The following CENPB variants were observed in gnomAD, a reference collection of about 807,000 sequenced individuals.
CENPB encodes the protein centromere protein B.
CENPB carries 19 observed loss-of-function variants against 41.9 expected under a neutral mutation model. The ratio of observed to expected loss-of-function variants is 0.45; its 90% CI spans 0.32 to 0.67. CENPB has a LOEUF of 0.67. CENPB is among the 30% of genes least tolerant of loss of function. CENPB has a pLI of 0.04. For missense variants in CENPB, 614 were observed against 816.2 expected (o/e 0.75, Z 3.02); for synonymous variants, 399 against 354.4 (o/e 1.13, Z -1.41).
rs776448311 is a variant in CENPB, at chr20:3,786,041, G to C, written c.443C>G (p.Pro148Arg). The C allele has an allele frequency of 1.4e-6, 2 of 1,470,800 alleles. No homozygotes were observed. Among genetic ancestry groups the C allele is most frequent in the South Asian group, 2.7e-5 (2 of 73,196 alleles). 91.1% of individuals were successfully genotyped at this position (1,470,800 alleles called of 1,614,324 possible). A position where few individuals can be genotyped will look rare whatever the true frequency, so the allele number is the denominator to read the frequency against. Residue 148 changes from proline (P) to arginine (R), a missense_variant, in exon 1 of 1, where the codon CCC becomes CGC. By Grantham distance (103) the Pro-to-Arg change is moderately radical. Transcript: ENST00000379751. Reference sequence around the variant, plus strand: ...ACTGGCAGGCGCCGCCGGGGTGCGGGGGGCAGCGTTTCGCGCGCGGGCGCG... The same window carrying C: ...ACTGGCAGGCGCCGCCGGGGTGCGGCGGGCAGCGTTTCGCGCGCGGGCGCG... ...VARARARNAA[P>R]RTPAAPASPA...
rs2088829030 is a variant in CENPB at position 3,786,668 on chromosome 20, G to C, written c.-185C>G. On this transcript the variant is annotated 5_prime_UTR_variant, in exon 1 of 1. Transcript: ENST00000379751. ...CGGGGGCACCTCCGGGGACGCCGGC[G>C]GGCGCGTCGCCGGGCGGCGGGCGGC... 6.8e-6 allele frequency: 1 copy of C among 146,402 alleles called. No homozygotes were observed. The highest frequency in any genetic ancestry group is 2.5e-5 in the African/African-American group (1 of 40,680). 9.1% of individuals were successfully genotyped at this position (146,402 alleles called of 1,614,324 possible). A position where few individuals can be genotyped will look rare whatever the true frequency, so the allele number is the denominator to read the frequency against.
In CENPB at chr20:3,785,677, G is replaced by C. The variant is rs757188137; in HGVS notation, c.807C>G (p.Val269=). ...CDYTANSKGG[V]TTQALAKYLK... ...AGTACTTGGCCAGGGCCTGGGTGGTGACACCACCCTTGGAGTTGGCGGTGT... is the reference window on the plus strand; with the variant it reads ...AGTACTTGGCCAGGGCCTGGGTGGTCACACCACCCTTGGAGTTGGCGGTGT... The change falls in exon 1 of 1, where the codon GTC becomes GTG. Residue 269 remains valine (V), a synonymous_variant. Coordinates refer to ENST00000379751, the MANE Select transcript of CENPB (RefSeq NM_001810.6). 1.2e-6 allele frequency: 2 copies of C among 1,609,338 alleles called. No individual in the cohort carries two copies. Among genetic ancestry groups the C allele is most frequent in the African/African-American group, 1.3e-5 (1 of 74,866 alleles).
At position 3,784,962 on chromosome 20, in the gene CENPB, C is replaced by G; in HGVS notation, c.1522G>C (p.Glu508Gln). Residue 508 changes from glutamate to glutamine, a missense_variant, in exon 1 of 1, where the codon GAG becomes CAG. Transcript: ENST00000379751. This position sits in a 1 kb window ranked among gnomAD's most constrained non-coding sequence, Gnocchi z 5.2. ...TCCTCACTGTCTGAATCAGAGTCCT[C>G]CCCACCTTCCAGGAAATGCAGAGTA... ...CPTLHFLEGG[E>Q]DSDSDSEEED... The G allele has an allele frequency of 6.2e-7, 1 of 1,614,068 alleles. No individual in the cohort carries two copies. The highest frequency in any genetic ancestry group is 8.5e-7 in the Non-Finnish European group (1 of 1,179,998).
At position 3,785,383 on chromosome 20, in the gene CENPB, A is replaced by G. The variant is rs778583311; in HGVS notation, c.1101T>C (p.Phe367=). The change falls in exon 1 of 1, where the codon TTT becomes TTC. Residue 367 remains phenylalanine (F), a synonymous_variant. Transcript: ENST00000379751. ...LQLGLTEALH[F]VAAAWQAVEP... ...CCACTGCCTGCCAGGCGGCAGCCAC[A>G]AAGTGCAGGGCCTCCGTGAGACCCA... 5 of 1,603,456 alleles carry G rather than the reference A, an allele frequency of 3.1e-6. No homozygotes were observed. Among genetic ancestry groups the G allele is most frequent in the East Asian group, 2.3e-5 (1 of 44,406 alleles).
At position 3,785,572 on chromosome 20, in the gene CENPB, C is replaced by T. The variant is rs2088815202; in HGVS notation, c.912G>A (p.Leu304=). The T allele has an allele frequency of 6.2e-7, 1 of 1,601,166 alleles. No individual in the cohort carries two copies. The highest frequency in any genetic ancestry group is 1.3e-5 in the African/African-American group (1 of 74,818). The change falls in exon 1 of 1, where the codon TTG becomes TTA. Residue 304 remains leucine, a synonymous_variant. Coordinates refer to ENST00000379751, the MANE Select transcript of CENPB (RefSeq NM_001810.6). The part of the protein sequence containing the change: ...LLAGRLAAQS[L]DTSGLRHVQL... The stretch of plus-strand genomic sequence containing the variant: ...GCACATGCCGCAGGCCCGAGGTGTC[C>T]AAGGACTGGGCAGCCAAGCGGCCGG...
Position 3,784,359 on chromosome 20 carries a change from T to C in CENPB, c.*325A>G, listed in dbSNP as rs1199774096. 1.3e-5 allele frequency: 4 copies of C among 317,914 alleles called. No individual in the cohort carries two copies. The highest frequency in any genetic ancestry group is 2.4e-5 in the Non-Finnish European group (4 of 168,742). The allele number at this position is 317,914 out of a possible 1,614,324, so 19.7% of individuals were successfully genotyped here. On this transcript the variant is annotated 3_prime_UTR_variant, in exon 1 of 1. Transcript: ENST00000379751. This position sits in a 1 kb window ranked among gnomAD's most constrained non-coding sequence, Gnocchi z 5.2. ...TCCGGCCGGGAACCTCCAGGGCCCATCCCTGGCTGCTGCTGTGGTTAGTCC... is the reference window on the plus strand; with the variant it reads ...TCCGGCCGGGAACCTCCAGGGCCCACCCCTGGCTGCTGCTGTGGTTAGTCC...
In CENPB at chr20:3,785,005, C is replaced by A. The variant is rs1255957529; in HGVS notation, c.1479G>T (p.Gln493His). ...GCAGAGTAGGGCACTGGGCTTCCTC[C>A]TGGGCACCATAAGCCCCGAAGCTGC... ...AGGSFGAYGA[Q>H]EEAQCPTLHF... is the part of the protein sequence containing the mutation. The change falls in exon 1 of 1, where the codon CAG becomes CAT. Residue 493 changes from glutamine to histidine, a missense_variant. Physicochemically the swap from Gln to His is conservative, Grantham distance 24 (BLOSUM62 0). This residue lies in a region of CENPB where 537 missense variants were observed against 629.4 expected (regional missense o/e 0.85). Coordinates refer to ENST00000379751, the MANE Select transcript of CENPB (RefSeq NM_001810.6). 1.9e-6 allele frequency: 3 copies of A among 1,613,998 alleles called. No homozygotes were observed. Among genetic ancestry groups the A allele is most frequent in the Non-Finnish European group, 2.5e-6 (3 of 1,180,022 alleles).
chr20:3,786,358 C>G lies in CENPB; in HGVS notation c.126G>C (p.Leu42=), dbSNP rs1275084830. ...CGCGCTTGTTCTTCAGGATCGTGCT[C>G]AGCGTGGACGGCGGGATGTTGAAGC... is the stretch of plus-strand genomic sequence containing the variant. ...ARRFNIPPST[L]STILKNKRAI... Residue 42 remains leucine (L), a synonymous_variant, in exon 1 of 1, where the codon CTG becomes CTC. Coordinates refer to ENST00000379751, the MANE Select transcript of CENPB (RefSeq NM_001810.6). 3 of 1,605,818 alleles carry G rather than the reference C, an allele frequency of 1.9e-6. No homozygotes were observed. The highest frequency in any genetic ancestry group is 2.5e-6 in the Non-Finnish European group (3 of 1,179,640).
Position 3,784,547 on chromosome 20 carries a change from T to TAA in CENPB, c.*136_*137insTT. On this transcript the variant is annotated 3_prime_UTR_variant, in exon 1 of 1. Coordinates refer to ENST00000379751, the MANE Select transcript of CENPB (RefSeq NM_001810.6). This position sits in a 1 kb window ranked among gnomAD's most constrained non-coding sequence, Gnocchi z 5.2. ...GGCCCGGCCGAGGTGACCGGGCCTG[T>TAA]TGCAGGACCAGGGGAAGCATTACTA... The TAA allele has an allele frequency of 9.6e-7, 1 of 1,045,880 alleles. No individual in the cohort carries two copies. Among genetic ancestry groups the TAA allele is most frequent in the African/African-American group, 1.6e-5 (1 of 62,740 alleles). The allele number at this position is 1,045,880 out of a possible 1,614,324, so 64.8% of individuals were successfully genotyped here.
Position 3,785,209 on chromosome 20 carries a change from CTCT to C in CENPB, c.1272_1274del (p.Glu428del), listed in dbSNP as rs761109209. ...CCTCCTCCTCCTCCCCTTCCTCCTCCTCTTCCTCTCCTTCACCCTCTTCCTCCT... is the reference window on the plus strand; with the variant it reads ...CCTCCTCCTCCTCCCCTTCCTCCTCCTCCTCTCCTTCACCCTCTTCCTCCT... On this transcript the variant is annotated inframe_deletion, in exon 1 of 1. Coordinates refer to ENST00000379751, the MANE Select transcript of CENPB (RefSeq NM_001810.6). The C allele has an allele frequency of 3.7e-5, 52 of 1,416,946 alleles. No individual in the cohort carries two copies. The highest frequency in any genetic ancestry group is 6.3e-5 in the Admixed American group (3 of 47,442). 87.8% of individuals were successfully genotyped at this position (1,416,946 alleles called of 1,614,324 possible).
rs753063274 is a variant in CENPB at position 3,786,382 on chromosome 20, G to A, written c.102C>T (p.Arg34=). 1.2e-6 allele frequency: 2 copies of A among 1,603,684 alleles called. No individual in the cohort carries two copies. Among genetic ancestry groups the A allele is most frequent in the Non-Finnish European group, 1.7e-6 (2 of 1,179,526 alleles). ...TCAGCGTGGACGGCGGGATGTTGAA[G>A]CGCCGCGCGATCTCGCCCTTGCGCA... ...PDLRKGEIAR[R]FNIPPSTLST... is the part of the protein sequence containing the mutation. Residue 34 remains arginine, a synonymous_variant, in exon 1 of 1, where the codon CGC becomes CGT. Transcript: ENST00000379751.
Position 3,785,490 on chromosome 20 carries a change from G to T in CENPB, c.994C>A (p.Gln332Lys), listed in dbSNP as rs776871979. The change falls in exon 1 of 1, where the codon CAG becomes AAG. Residue 332 changes from glutamine (Q) to lysine (K), a missense_variant. Around this residue, in one of 2 missense-constraint regions of CENPB, gnomAD observed 537 missense variants for 629.4 expected, o/e 0.85. Transcript: ENST00000379751. ...GCCTGGCGGTAGTGGCCCTTCACCT[G>T]CTGGACCACTCCCCTCTCCAGCGGA... is the stretch of plus-strand genomic sequence containing the variant. ...VHPLERGVVQ[Q>K]VKGHYRQAML... 6.3e-5 allele frequency: 100 copies of T among 1,592,770 alleles called. No individual in the cohort carries two copies. The highest frequency in any genetic ancestry group is 8.3e-5 in the Non-Finnish European group (97 of 1,170,070).
rs773666307 is a variant in CENPB at position 3,784,671 on chromosome 20, T to C, written c.*13A>G. 5.6e-6 allele frequency: 9 copies of C among 1,613,156 alleles called. No homozygotes were observed. Among genetic ancestry groups the C allele is most frequent in the Admixed American group, 5.0e-5 (3 of 59,902 alleles). ...TGCCAATCTAGGTTGGGGGCACAGC[T>C]AGGTCCAGTGACTCAGCTTTGATGT... On this transcript the variant is annotated 3_prime_UTR_variant, in exon 1 of 1. Coordinates refer to ENST00000379751, the MANE Select transcript of CENPB (RefSeq NM_001810.6). This position sits in a 1 kb window ranked among gnomAD's most constrained non-coding sequence, Gnocchi z 5.2.
Position 3,785,242 on chromosome 20 carries a change from TTCTTCCTCCTCCTCCTCC to T in CENPB, c.1224_1241del (p.Glu414_Glu419del), listed in dbSNP as rs752768027. 7.6e-6 allele frequency: 10 copies of T among 1,316,186 alleles called. No individual in the cohort carries two copies. The highest frequency in any genetic ancestry group is 9.0e-6 in the Non-Finnish European group (9 of 997,808). 81.5% of individuals were successfully genotyped at this position (1,316,186 alleles called of 1,614,324 possible). On this transcript the variant is annotated inframe_deletion, in exon 1 of 1. Transcript: ENST00000379751. ...CTCCTTCACCCTCTTCCTCCTCCTCTTCTTCCTCCTCCTCCTCCTCTTCCTCTCCCTCACTCTTGAGGG... is the reference window on the plus strand; with the variant it reads ...CTCCTTCACCCTCTTCCTCCTCCTCTTCTTCCTCTCCCTCACTCTTGAGGG...
rs911896549 is a variant in CENPB, at chr20:3,783,851, T to C, written c.*833A>G. 1 of 152,262 alleles carries C rather than the reference T, an allele frequency of 6.6e-6. No homozygotes were observed. The highest frequency in any genetic ancestry group is 2.4e-5 in the African/African-American group (1 of 41,430). The allele number at this position is 152,262 out of a possible 1,614,324, so 9.4% of individuals were successfully genotyped here. ...AGCCCAGACCATGAAGGATGCACCCTTGGCTGTTAAAACGTTCACCCCCAC... is the reference window on the plus strand; with the variant it reads ...AGCCCAGACCATGAAGGATGCACCCCTGGCTGTTAAAACGTTCACCCCCAC... On this transcript the variant is annotated 3_prime_UTR_variant, in exon 1 of 1. Transcript: ENST00000379751. The surrounding 1 kb of genome is among the most constrained non-coding windows in gnomAD (Gnocchi z 4.2).
rs2088797136 is a variant in CENPB at position 3,784,002 on chromosome 20, T to C, written c.*682A>G. On this transcript the variant is annotated 3_prime_UTR_variant, in exon 1 of 1. Transcript: ENST00000379751. This position sits in a 1 kb window ranked among gnomAD's most constrained non-coding sequence, Gnocchi z 5.2. Reference sequence around the variant, plus strand: ...CCCTGCCAGAGAGGGAGGAGAGGCATGGGGCCTGCAGCTGCCCACAAGGAA... The same window carrying C: ...CCCTGCCAGAGAGGGAGGAGAGGCACGGGGCCTGCAGCTGCCCACAAGGAA... The C allele has an allele frequency of 6.6e-6, 1 of 152,622 alleles. No homozygotes were observed. Among genetic ancestry groups the C allele is most frequent in the Admixed American group, 6.5e-5 (1 of 15,296 alleles). The allele number at this position is 152,622 out of a possible 1,614,324, so 9.5% of individuals were successfully genotyped here.
Position 3,785,416 on chromosome 20 carries a change from G to A in CENPB, c.1068C>T (p.Gly356=), listed in dbSNP as rs780307584. The part of the protein sequence containing the change: ...MAALEGQDPS[G]LQLGLTEALH... ...GGGCCTCCGTGAGACCCAGCTGCAG[G>A]CCTGAGGGATCCTGGCCCTCTAGCG... Residue 356 remains glycine (G), a synonymous_variant, in exon 1 of 1, where the codon GGC becomes GGT. Transcript: ENST00000379751. 2.5e-6 allele frequency: 4 copies of A among 1,596,776 alleles called. No homozygotes were observed. Among genetic ancestry groups the A allele is most frequent in the Admixed American group, 3.5e-5 (2 of 57,782 alleles).
In CENPB at chr20:3,786,334, G is replaced by A; in HGVS notation, c.150C>T (p.Arg50=). Residue 50 remains arginine (R), a synonymous_variant, in exon 1 of 1, where the codon CGC becomes CGT. Coordinates refer to ENST00000379751, the MANE Select transcript of CENPB (RefSeq NM_001810.6). The stretch of plus-strand genomic sequence containing the variant: ...ACTTGCGCTCCGACGCCAGGATGGC[G>A]CGCTTGTTCTTCAGGATCGTGCTCA... ...STLSTILKNK[R]AILASERKYG... is the part of the protein sequence containing the mutation. 1 of 1,607,356 alleles carries A rather than the reference G, an allele frequency of 6.2e-7. No homozygotes were observed. Among genetic ancestry groups the A allele is most frequent in the South Asian group, 1.1e-5 (1 of 91,074 alleles).
rs751268082 is a variant in CENPB, at chr20:3,785,537, A to G, written c.947T>C (p.Phe316Ser). The G allele has an allele frequency of 5.0e-6, 8 of 1,598,732 alleles. No homozygotes were observed. The East Asian group carries it at 1.8e-4, about 36-fold the overall frequency. Residue 316 changes from phenylalanine (F) to serine (S), a missense_variant, in exon 1 of 1, where the codon TTC becomes TCC. By Grantham distance (155) the Phe-to-Ser change is radical. Transcript: ENST00000379751. Reference sequence around the variant, plus strand: ...CGGATGCACGGTGCCGGGAGGGAAGAAGGCCAGCTGCACATGCCGCAGGCC... The same window carrying G: ...CGGATGCACGGTGCCGGGAGGGAAGGAGGCCAGCTGCACATGCCGCAGGCC... The part of the protein sequence containing the change: ...TSGLRHVQLA[F>S]FPPGTVHPLE...
Sources: allele counts gnomAD v4.1 joint callset, GRCh38; gene constraint gnomAD v4.1.1; regional missense constraint gnomAD v4.1.1; non-coding constraint Gnocchi (gnomAD v3.1); transcripts MANE v1.5; gene names NCBI Gene and HGNC (gene_info 2026-07-23, HGNC 2026-07-21).